GRIK2: variants seen among roughly 807,000 people sequenced by gnomAD.
The protein encoded by GRIK2 is glutamate receptor ionotropic, kainate 2.
Under a neutral mutation model 100.3 loss-of-function variants are expected in GRIK2, and 32 were observed. The observed-to-expected ratio is 0.32, with a 90% CI of 0.24 to 0.43. The LOEUF is 0.43. Among genes scored for constraint, GRIK2 ranks in the 20% least tolerant of loss-of-function variants. GRIK2 has a pLI of 1.00. For missense variants in GRIK2, 843 were observed against 1,114.9 expected, an observed-to-expected ratio of 0.76 and a Z score of 3.47; for synonymous variants, 417 against 389.4, an observed-to-expected ratio of 1.07 and a Z score of -0.83.
At chr6:101,797,686 T>TATA (rs36046531) in intron 7 of GRIK2, among the ~76,000 whole-genome samples, 1 of 90,854 alleles carries the variant, frequency 1.1e-5, no homozygotes, top group South Asian at 3.2e-4. Context: ...CCATTATATA[T>TATA]TTTTTTTATG....
chr6:101,822,288 A>G (rs59026450), intron 10 of GRIK2, among the ~76,000 whole-genome samples: 2,767 of 151,636 alleles, frequency 0.018, 88 homozygotes, highest in African/African-American at 0.064. Flanking sequence ...AAAGTAAATG[A>G]TACGGTGCCT....
chr6:101,775,216 T>C (rs1364918560), intron 7 of GRIK2, among the ~76,000 whole-genome samples: 1 of 152,178 alleles, frequency 6.6e-6, no homozygotes, highest in Non-Finnish European at 1.5e-5. Context: ...GCAATCACTA[T>C]TTTTTGGTAG....
intron 11 of GRIK2, among the ~76,000 whole-genome samples, chr6:101,885,381 T>C (rs1329610839): frequency 6.6e-6 from 1 of 152,074 alleles, no homozygotes. Context: ...TATGATATAT[T>C]TGAATGGTTG....
At chr6:101,589,982 G>T (rs1257858564) in intron 2 of GRIK2, among the ~76,000 whole-genome samples, 1 of 151,984 alleles carries the variant, frequency 6.6e-6, no homozygotes, top group African/African-American at 2.4e-5. Context: ...TACTACAAAA[G>T]GTAGAGTGAT....
intron 2 of GRIK2, among the ~76,000 whole-genome samples, chr6:101,439,023 A>G (rs937905503): frequency 6.6e-6 from 1 of 152,138 alleles, no homozygotes. Context: ...ATTTTATCTC[A>G]GAACTTCTAA....
intron 4 of GRIK2, among the ~76,000 whole-genome samples, chr6:101,642,457 C>A (rs530880311): frequency 6.6e-6 from 1 of 151,840 alleles, no homozygotes; most frequent in South Asian, 2.1e-4. Flanking sequence ...GAATTAAATA[C>A]TCTAGATACT....
chr6:101,423,464 T>A (rs935269355), intron 2 of GRIK2, among the ~76,000 whole-genome samples: 3 of 152,156 alleles, frequency 2.0e-5, no homozygotes, highest in African/African-American at 7.2e-5. Context: ...ACTTGTTTTT[T>A]TATGTATTTA....
At chr6:101,645,322 T>C (rs1207167208) in intron 4 of GRIK2, among the ~76,000 whole-genome samples, 1 of 151,934 alleles carries the variant, frequency 6.6e-6, no homozygotes, top group African/African-American at 2.4e-5. Flanking sequence ...TAAAGGTATA[T>C]GCTGTTGCTC....
chr6:101,693,497 C>T (rs751347394), intron 7 of GRIK2, among the ~76,000 whole-genome samples: 1 of 151,486 alleles, frequency 6.6e-6, no homozygotes, highest in Non-Finnish European at 1.5e-5. Flanking sequence ...TGACAGAAGA[C>T]AGACTAACAT....
chr6:101,595,734 A>G (rs1778898616), intron 2 of GRIK2, among the ~76,000 whole-genome samples: 1 of 148,226 alleles, frequency 6.7e-6, no homozygotes, highest in Non-Finnish European at 1.5e-5. Flanking sequence ...ATATATATAT[A>G]TATATATTCA....
chr6:101,636,106 C>A (rs1221596664), intron 4 of GRIK2, among the ~76,000 whole-genome samples: 3 of 152,028 alleles, frequency 2.0e-5, no homozygotes, highest in Non-Finnish European at 4.4e-5. Context: ...ACCCAAATGC[C>A]CATCAATAAT....
At chr6:101,513,580 G>C (rs751824144) in intron 2 of GRIK2, among the ~76,000 whole-genome samples, 1 of 152,092 alleles carries the variant, frequency 6.6e-6, no homozygotes, top group Admixed American at 6.6e-5. Context: ...ATATTTTGAT[G>C]TTCTTCTTTA....
chr6:101,951,170 T>C (rs1051411512), intron 14 of GRIK2, among the ~76,000 whole-genome samples: 1 of 152,228 alleles, frequency 6.6e-6, no homozygotes, highest in African/African-American at 2.4e-5. Flanking sequence ...ACATAATCTT[T>C]AATGCTTTAA....
chr6:101,905,494 A>G lies in GRIK2; in HGVS notation c.1748+15631A>G, dbSNP rs535586863. ...GTGTTGTTTGTTTCTTAAAGTTAGT[A>G]AAGTTATATTATTTATTTAGTTTGT... On this transcript the variant is annotated intron_variant, in intron 12 of 16. Coordinates refer to ENST00000369134, the MANE Select transcript of GRIK2 (RefSeq NM_021956.5). Among the ~76,000 whole-genome samples the G allele has an allele frequency of 3.3e-5, 5 of 151,722 alleles. 1 individual carries two copies. The highest frequency in any genetic ancestry group is 1.2e-4 in the African/African-American group (5 of 41,506).
intron 12 of GRIK2, chr6:101,891,603 A>G (rs1562468454): frequency 2.5e-6 from 1 of 402,286 alleles, no homozygotes. Flanking sequence ...TAATTATTTT[A>G]CAAATGCATT....
chr6:101,870,587 A>C (rs1785349314), intron 11 of GRIK2, among the ~76,000 whole-genome samples: 1 of 151,848 alleles, frequency 6.6e-6, no homozygotes, highest in Non-Finnish European at 1.5e-5. Context: ...ATATCTACCA[A>C]ATAAATGGGT....
intron 1 of GRIK2, among the ~76,000 whole-genome samples, chr6:101,396,868 A>G (rs1235956564): frequency 1.3e-5 from 2 of 152,128 alleles, no homozygotes; most frequent in Non-Finnish European, 2.9e-5. Flanking sequence ...AATCTAATTT[A>G]CCATATGTGC....
At chr6:101,997,763 T>G (rs1382949479) in intron 14 of GRIK2, among the ~76,000 whole-genome samples, 1 of 152,208 alleles carries the variant, frequency 6.6e-6, no homozygotes, top group East Asian at 1.9e-4. Context: ...TTTTTTTCTA[T>G]TTAGCTCCAC....
intron 10 of GRIK2, among the ~76,000 whole-genome samples, chr6:101,820,523 G>T (rs1304419161): frequency 6.6e-6 from 1 of 152,100 alleles, no homozygotes; most frequent in African/African-American, 2.4e-5. Flanking sequence ...TCGGCTCACT[G>T]CAAACTCCAC....
Sources: gnomAD v4.1 joint callset for allele counts (sites outside exome capture counted in the v4.1 genomes callset) on GRCh38, gnomAD v4.1.1 for gene constraint, MANE v1.5 for transcripts, NCBI Gene and HGNC (gene_info 2026-07-23, HGNC 2026-07-21) for gene names.